The following ACTB variants were observed in gnomAD, a reference collection of about 807,000 sequenced individuals.
ACTB encodes the protein actin, cytoplasmic 1.
In ACTB, 2 loss-of-function variants were observed where a neutral mutation model predicts 30.5. The observed-to-expected ratio is 0.07, with a 90% confidence interval of 0.03 to 0.21. The LOEUF (loss-of-function observed/expected upper bound fraction) is 0.21, where lower values mean the gene tolerates loss of function less well. Among genes scored for constraint, ACTB ranks in the 10% least tolerant of loss-of-function variants. ACTB has a pLI of 1.00. For synonymous variants in ACTB, 335 were observed against 217.6 expected (o/e 1.54, Z -4.75); for missense variants, 56 against 530.0 (o/e 0.11, Z 8.78).
In ACTB at chr7:5,528,336, G is replaced by A; in HGVS notation, c.747C>T (p.Thr249=). ...GGCAGCGGAACCGCTCATTGCCAAT[G>A]GTGATGACCTGGCCGTCAGGCAGCT... ...SYELPDGQVI[T]IGNERFRCPE... The change falls in exon 4 of 6, where the codon ACC becomes ACT. Residue 249 remains threonine (T), a synonymous_variant. Coordinates refer to ENST00000646664, the MANE Select transcript of ACTB (RefSeq NM_001101.5). 11 of 1,614,198 alleles carry A rather than the reference G, an allele frequency of 6.8e-6. No homozygotes were observed. The highest frequency in any genetic ancestry group is 9.3e-6 in the Non-Finnish European group (11 of 1,180,048).
chr7:5,528,327 A>G lies in ACTB; in HGVS notation c.756T>C (p.Asn252=), dbSNP rs774251900. 230 of 1,614,074 alleles carry G rather than the reference A, an allele frequency of 1.4e-4. No homozygotes were observed. Among genetic ancestry groups the G allele is most frequent in the Non-Finnish European group, 1.9e-4 (229 of 1,180,058 alleles). ...LPDGQVITIG[N]ERFRCPEALF... is the part of the protein sequence containing the mutation. ...GTGCCTCAGGGCAGCGGAACCGCTC[A>G]TTGCCAATGGTGATGACCTGGCCGT... Residue 252 remains asparagine, a synonymous_variant, in exon 4 of 6, where the codon AAT becomes AAC. Transcript: ENST00000646664.
At chr7:5,529,092 G>GA (rs1423893446) in intron 3 of ACTB, 69 bp downstream of exon 3, 1 of 1,613,400 alleles carries the variant, frequency 6.2e-7, no homozygotes, top group Non-Finnish European at 8.5e-7. Flanking sequence ...GAACCAGTGA[G>GA]AAAGGGCGCA....
At position 5,529,197 on chromosome 7, in the gene ACTB, G is replaced by A. The variant is rs781554752; in HGVS notation, c.327C>T (p.Pro109=). The A allele has an allele frequency of 2.0e-5, 32 of 1,613,932 alleles. No homozygotes were observed. Among genetic ancestry groups the A allele is most frequent in the African/African-American group, 8.0e-5 (6 of 74,928 alleles). Residue 109 remains proline (P), a synonymous_variant, in exon 3 of 6, where the codon CCC becomes CCT. Transcript: ENST00000646664. ...TCTCGCGGTTGGCCTTGGGGTTCAG[G>A]GGGGCCTCGGTCAGCAGCACGGGGT... The part of the protein sequence containing the change: ...EEHPVLLTEA[P]LNPKANREKM...
chr7:5,530,167 G>A (rs933695592), intron 1 of ACTB, among the ~76,000 whole-genome samples: 3 of 151,996 alleles, frequency 2.0e-5, no homozygotes, highest in African/African-American at 7.2e-5. Context: ...GGACCAGCGC[G>A]CACGCGCAAT....
In ACTB at chr7:5,529,667, C is replaced by T; in HGVS notation, c.-6-4G>A. 1 of 1,610,772 alleles carries T rather than the reference C, an allele frequency of 6.2e-7. No homozygotes were observed. The highest frequency in any genetic ancestry group is 8.5e-7 in the Non-Finnish European group (1 of 1,179,130). ...CGATATCATCATCCATGGTGAGCTG[C>T]GAGAATAGCCGGGCGCGCTGTGAGC... On this transcript the variant is annotated splice_polypyrimidine_tract_variant and splice_region_variant and intron_variant, in intron 1 of 5. Coordinates refer to ENST00000646664, the MANE Select transcript of ACTB (RefSeq NM_001101.5).
intron 5 of ACTB, 30 bp from the exon 6 acceptor site, chr7:5,527,921 A>G (rs1425652056): frequency 3.7e-6 from 6 of 1,612,836 alleles, no homozygotes; most frequent in Non-Finnish European, 5.1e-6. Context: ...GGCAGTGAGG[A>G]CCCTGGATGT....
At chr7:5,529,435 G>T in intron 2 of ACTB, 35 bp from the exon 3 acceptor site, 13 of 1,613,650 alleles carry the variant, frequency 8.1e-6, no homozygotes, top group Non-Finnish European at 1.1e-5. Context: ...CTGAGCACGG[G>T]CGCAGCCCCC....
chr7:5,530,142 CAGTT>C (rs1296347424), intron 1 of ACTB, among the ~76,000 whole-genome samples: 1 of 151,986 alleles, frequency 6.6e-6, no homozygotes, highest in Non-Finnish European at 1.5e-5. Context: ...AGCGCGCACG[CAGTT>C]AGCGCCCAAA....
intron 1 of ACTB, 49 bp from the exon 2 acceptor site, chr7:5,529,712 G>A (rs772359896): frequency 1.2e-6 from 2 of 1,609,032 alleles, no homozygotes; most frequent in Admixed American, 3.3e-5. Context: ...CCCCGCCCTG[G>A]CCACTTCCGG....
chr7:5,528,751 G>A (rs1784817492), intron 3 of ACTB, 32 bp from the exon 4 acceptor site: 1 of 1,610,850 alleles, frequency 6.2e-7, no homozygotes, highest in Non-Finnish European at 8.5e-7. Flanking sequence ...TGTCACACTG[G>A]GGAAGCCACT....
chr7:5,529,846 G>A lies in ACTB; in HGVS notation c.-6-183C>T, dbSNP rs936787406. 80 of 1,028,786 alleles carry A rather than the reference G, an allele frequency of 7.8e-5. 1 individual carries two copies. The highest frequency in any genetic ancestry group is 2.2e-4 in the East Asian group (8 of 36,260). The allele number at this position is 1,028,786 out of a possible 1,614,324, so 63.7% of individuals were successfully genotyped here. A position where few individuals can be genotyped will look rare whatever the true frequency, so the allele number is the denominator to read the frequency against. The stretch of plus-strand genomic sequence containing the variant: ...CTGGTCGGAGGCGTCCCCGCGGCGC[G>A]CGGCAGGAAGCCAGGCCCCAACCCC... On this transcript the variant is annotated intron_variant, in intron 1 of 5. Coordinates refer to ENST00000646664, the MANE Select transcript of ACTB (RefSeq NM_001101.5).
rs1046651990 is a variant in ACTB at position 5,529,885 on chromosome 7, G to A, written c.-6-222C>T. 8 of 699,206 alleles carry A rather than the reference G, an allele frequency of 1.1e-5. No individual in the cohort carries two copies. The African/African-American group carries it at 1.3e-4, about 11-fold the overall frequency. 43.3% of individuals were successfully genotyped at this position (699,206 alleles called of 1,614,324 possible). A position where few individuals can be genotyped will look rare whatever the true frequency, so the allele number is the denominator to read the frequency against. ...GGCCCCAACCCCCTCCCAACCGGGC[G>A]CCAGCCCCGCCTCCGCCCGGTTCAA... On this transcript the variant is annotated intron_variant, in intron 1 of 5. Transcript: ENST00000646664.
Position 5,530,491 on chromosome 7 carries a change from AGCCGCC to A in ACTB, c.-7+27_-7+32del, listed in dbSNP as rs767377648. 41,398 of 135,082 alleles carry A rather than the reference AGCCGCC, an allele frequency of 0.31. 5,790 individuals carry two copies. The highest frequency in any genetic ancestry group is 0.33 in the Middle Eastern group (95 of 286). 8.4% of individuals were successfully genotyped at this position (135,082 alleles called of 1,614,324 possible). A position where few individuals can be genotyped will look rare whatever the true frequency, so the allele number is the denominator to read the frequency against. On this transcript the variant is annotated intron_variant, in intron 1 of 5. Coordinates refer to ENST00000646664, the MANE Select transcript of ACTB (RefSeq NM_001101.5). ...CGCGGCCGCCTGCGGCCGGGCCGTG[AGCCGCC>A]TGCCCCGGTCGGCTGGCCGGGCTTA... is the stretch of plus-strand genomic sequence containing the variant.
rs527433029 is a variant in ACTB at position 5,529,082 on chromosome 7, G to A, written c.363+79C>T. ...GTCCTACGGAAAACGGCAGAAGAGA[G>A]AACCAGTGAGAAAGGGCGCAGCTCC... On this transcript the variant is annotated intron_variant, in intron 3 of 5. Coordinates refer to ENST00000646664, the MANE Select transcript of ACTB (RefSeq NM_001101.5). The A allele has an allele frequency of 1.5e-4, 243 of 1,613,408 alleles. No homozygotes were observed. The African/African-American group carries it at 2.6e-3, about 17-fold the overall frequency.
At position 5,528,726 on chromosome 7, in the gene ACTB, G is replaced by A. The variant is rs764266143; in HGVS notation, c.364-7C>T. 8 of 1,612,572 alleles carry A rather than the reference G, an allele frequency of 5.0e-6. No individual in the cohort carries two copies. The highest frequency in any genetic ancestry group is 1.1e-5 in the South Asian group (1 of 91,080). On this transcript the variant is annotated splice_polypyrimidine_tract_variant and splice_region_variant and intron_variant, in intron 3 of 5. Transcript: ENST00000646664. ...TGAAGGTCTCAAACATGATCTGTAA[G>A]GCAGAGATACACCATGTCACACTGG...
chr7:5,528,776 C>T lies in ACTB; in HGVS notation c.364-57G>A, dbSNP rs1784818555. The stretch of plus-strand genomic sequence containing the variant: ...GGGAAGCCACTGGGGACAGCCAGGC[C>T]AGACGGGGGACATGCAGAAAGTGCA... On this transcript the variant is annotated intron_variant, in intron 3 of 5. Transcript: ENST00000646664. 24 of 1,584,434 alleles carry T rather than the reference C, an allele frequency of 1.5e-5. 1 individual carries two copies. In the South Asian group the frequency reaches 2.5e-4, roughly 17 times the overall value.
Position 5,529,369 on chromosome 7 carries a change from G to C in ACTB, c.155C>G (p.Ser52Cys). The C allele has an allele frequency of 6.2e-7, 1 of 1,614,056 alleles. No individual in the cohort carries two copies. Among genetic ancestry groups the C allele is most frequent in the Non-Finnish European group, 8.5e-7 (1 of 1,180,038 alleles). The change falls in exon 3 of 6, where the codon TCC becomes TGC. Residue 52 changes from serine (S) to cysteine (C), a missense_variant. Physicochemically the swap from Ser to Cys is moderately radical, Grantham distance 112. Transcript: ENST00000646664. ...GVMVGMGQKD[S>C]YVGDEAQSKR... ...GCTCTGGGCCTCGTCGCCCACATAG[G>C]AATCCTTCTGACCCATGCCCACCAT...
intron 2 of ACTB, 59 bp from the exon 3 acceptor site, chr7:5,529,459 G>A (rs1394919867): frequency 8.7e-6 from 14 of 1,613,200 alleles, no homozygotes; most frequent in South Asian, 6.6e-5. Flanking sequence ...CCGGAAACCG[G>A]GAGGCTCCTG....
intron 4 of ACTB, 47 bp downstream of exon 4, chr7:5,528,234 G>A (rs749580588): frequency 1.2e-6 from 2 of 1,613,626 alleles, no homozygotes; most frequent in African/African-American, 1.3e-5. Context: ...ACAGCCCCGA[G>A]GGGTAACCCT....
Sources: allele counts gnomAD v4.1 joint callset (sites outside exome capture counted in the v4.1 genomes callset), GRCh38; gene constraint gnomAD v4.1.1; transcripts MANE v1.5; gene names NCBI Gene and HGNC (gene_info 2026-07-23, HGNC 2026-07-21).